CFAP54: variants seen among roughly 807,000 people sequenced by gnomAD.
CFAP54 encodes cilia- and flagella-associated protein 54.
A neutral mutation model predicts 370.4 loss-of-function variants in CFAP54; 290 were observed. The observed-to-expected ratio is 0.78, with a 90% CI of 0.71 to 0.86. The LOEUF (loss-of-function observed/expected upper bound fraction) is 0.86, where lower values mean the gene tolerates loss of function less well. CFAP54 is among the 40% of genes least tolerant of loss of function. The pLI, the probability that CFAP54 is intolerant of heterozygous loss-of-function variation, is 0.00. For missense variants in CFAP54, 3,399 were observed against 3,528.7 expected, an observed-to-expected ratio of 0.96 and a Z score of 0.93; for synonymous variants, 1,206 against 1,236.5, an observed-to-expected ratio of 0.98 and a Z score of 0.52.
At chr12:96,834,113 TGAG>T (rs1364506281) in intron 66 of CFAP54, among the ~76,000 whole-genome samples, 4 of 152,024 alleles carry the variant, frequency 2.6e-5, no homozygotes, top group Non-Finnish European at 5.9e-5. Flanking sequence ...TGCAGGGAGT[TGAG>T]GAGTAAATAA....
intron 63 of CFAP54, among the ~76,000 whole-genome samples, chr12:96,799,601 A>G (rs1364178495): frequency 1.3e-5 from 2 of 152,264 alleles, no homozygotes; most frequent in African/African-American, 2.4e-5. Flanking sequence ...GTCAATTATA[A>G]TTCTCTTCCT....
At chr12:96,727,666 G>A (rs1957860083) in intron 50 of CFAP54, among the ~76,000 whole-genome samples, 2 of 151,932 alleles carry the variant, frequency 1.3e-5, no homozygotes, top group African/African-American at 4.8e-5. Context: ...GGAGCACTTA[G>A]TCCATTTACA....
At chr12:96,707,637 A>G (rs1372720827) in intron 47 of CFAP54, among the ~76,000 whole-genome samples, 1 of 152,162 alleles carries the variant, frequency 6.6e-6, no homozygotes, top group African/African-American at 2.4e-5. Flanking sequence ...GTTTCTACAG[A>G]GATTAGCATA....
chr12:96,803,741 T>A (rs980202825), intron 63 of CFAP54, among the ~76,000 whole-genome samples: 3 of 152,096 alleles, frequency 2.0e-5, no homozygotes, highest in Non-Finnish European at 4.4e-5. Context: ...GAAAAAATAA[T>A]TGTCCCCTAC....
intron 14 of CFAP54, among the ~76,000 whole-genome samples, chr12:96,546,359 T>G (rs557132671): frequency 1.6e-4 from 25 of 152,320 alleles, no homozygotes; most frequent in Middle Eastern, 3.4e-3. Context: ...AAAAATAGTT[T>G]GTTTTTTTCT....
chr12:96,818,027 A>G, intron 65 of CFAP54, 114 bp downstream of exon 65: 1 of 776,742 alleles, frequency 1.3e-6, no homozygotes, highest in Non-Finnish European at 1.8e-6. Context: ...TAGTTTATTC[A>G]GAGTACGAGA....
intron 66 of CFAP54, among the ~76,000 whole-genome samples, chr12:96,840,227 A>G (rs1592801804): frequency 6.6e-6 from 1 of 152,244 alleles, no homozygotes; most frequent in East Asian, 1.9e-4. Context: ...TAGTGTGTTT[A>G]GACCCACACG....
Position 96,630,580 on chromosome 12 carries a change from TA to T in CFAP54, c.4253del (p.Lys1418ArgfsTer4), listed in dbSNP as rs1274191949. On this transcript the variant is annotated frameshift_variant, in exon 32 of 68. Coordinates refer to ENST00000524981, the MANE Select transcript of CFAP54 (RefSeq NM_001306084.2). LOFTEE classifies it high-confidence loss of function. ...CAGAAATGCAACAAAGAATAAGAAGTAAAAAAAAGGAAACTCTAAGAGATTT... is the reference window on the plus strand; with the variant it reads ...CAGAAATGCAACAAAGAATAAGAAGTAAAAAAAGGAAACTCTAAGAGATTT... Reference protein sequence around the residue: ...SAEMQQRIRSKKKETLRDFIF... With the variant: ...SAEMQQRIRSXKKETLRDFIF... 2.2e-5 allele frequency: 33 copies of T among 1,487,230 alleles called. No individual in the cohort carries two copies. The highest frequency in any genetic ancestry group is 1.6e-4 in the Admixed American group (7 of 42,966). The allele number at this position is 1,487,230 out of a possible 1,614,324, so 92.1% of individuals were successfully genotyped here.
chr12:96,635,025 T>C (rs892055323), intron 32 of CFAP54, among the ~76,000 whole-genome samples: 1 of 152,214 alleles, frequency 6.6e-6, no homozygotes, highest in Non-Finnish European at 1.5e-5. Context: ...AGTGATTCTT[T>C]CCACTTTATT....
At chr12:96,866,478 A>G (rs545953026) in intron 67 of CFAP54, among the ~76,000 whole-genome samples, 1 of 152,252 alleles carries the variant, frequency 6.6e-6, no homozygotes, top group East Asian at 1.9e-4. Flanking sequence ...GATATTTAAG[A>G]TAACTTTCAT....
At chr12:96,839,768 T>C (rs1959200172) in intron 66 of CFAP54, among the ~76,000 whole-genome samples, 1 of 152,138 alleles carries the variant, frequency 6.6e-6, no homozygotes, top group Admixed American at 6.5e-5. Context: ...TGCTGAAGGC[T>C]CATTTAGTCT....
At chr12:96,805,020 G>A (rs1259870621) in intron 63 of CFAP54, among the ~76,000 whole-genome samples, 1 of 152,106 alleles carries the variant, frequency 6.6e-6, no homozygotes, top group Non-Finnish European at 1.5e-5. Context: ...AATAAATGGT[G>A]CTGGGAAAAT....
intron 66 of CFAP54, among the ~76,000 whole-genome samples, chr12:96,860,555 A>C: frequency 6.6e-6 from 1 of 152,200 alleles, no homozygotes; most frequent in East Asian, 1.9e-4. Context: ...AAGGGCCAAA[A>C]GTCTTACATT....
intron 3 of CFAP54, among the ~76,000 whole-genome samples, chr12:96,505,528 A>G (rs1210944446): frequency 1.4e-5 from 2 of 139,538 alleles, no homozygotes; most frequent in Admixed American, 1.5e-4. Flanking sequence ...TTTGAGACCG[A>G]GGCTCACTCT....
chr12:96,809,993 T>A (rs542916513), intron 63 of CFAP54, among the ~76,000 whole-genome samples: 29 of 152,206 alleles, frequency 1.9e-4, no homozygotes, highest in Admixed American at 7.9e-4. Context: ...TTAGCATAGA[T>A]CCTCTCTGAT....
At chr12:96,860,190 T>A (rs1037487700) in intron 66 of CFAP54, among the ~76,000 whole-genome samples, 1 of 147,530 alleles carries the variant, frequency 6.8e-6, no homozygotes, top group Non-Finnish European at 1.5e-5. Flanking sequence ...AGGCTGTAAC[T>A]CATTGTGGTC....
Position 96,598,734 on chromosome 12 carries a change from C to G in CFAP54, c.3606C>G (p.His1202Gln), listed in dbSNP as rs772845837. 135 of 658,040 alleles carry G rather than the reference C, an allele frequency of 2.1e-4. No individual in the cohort carries two copies. The Middle Eastern group carries it at 2.9e-3, about 14-fold the overall frequency. The allele number at this position is 658,040 out of a possible 1,614,324, so 40.8% of individuals were successfully genotyped here. Residue 1202 changes from histidine (H) to glutamine (Q), a missense_variant, in exon 26 of 68, where the codon CAC (histidine) becomes CAG (glutamine). This residue lies in a region of CFAP54 where 2,796 missense variants were observed against 2,869.7 expected (regional missense o/e 0.97). Transcript: ENST00000524981. ...CTGCGAGCTTTGAAAGTATACAACA[C>G]ATGATAGCTTGTTGTATTTTCTACA... ...KHTASFESIQ[H>Q]MIACCIFYIT...
At chr12:96,579,372 G>A (rs1956009963) in intron 20 of CFAP54, among the ~76,000 whole-genome samples, 1 of 152,102 alleles carries the variant, frequency 6.6e-6, no homozygotes. Context: ...AGCTAGACAG[G>A]CTTGGGTATC....
intron 65 of CFAP54, among the ~76,000 whole-genome samples, chr12:96,825,953 A>G (rs1959096417): frequency 7.0e-6 from 1 of 142,260 alleles, no homozygotes; most frequent in South Asian, 2.1e-4. Context: ...ATTAATATAT[A>G]AATTAATATA....
Sources: gnomAD v4.1 joint callset for allele counts (sites outside exome capture counted in the v4.1 genomes callset) on GRCh38, gnomAD v4.1.1 for gene constraint, gnomAD v4.1.1 regional missense constraint, MANE v1.5 for transcripts, NCBI Gene and HGNC (gene_info 2026-07-23, HGNC 2026-07-21) for gene names.